The following GRIA3 variants were observed in gnomAD, a reference collection of about 807,000 sequenced individuals.
GRIA3 encodes the protein glutamate receptor 3.
A neutral mutation model predicts 63.0 loss-of-function variants in GRIA3; 3 were observed. The ratio of observed to expected loss-of-function variants is 0.05; its 90% CI spans 0.02 to 0.12. The LOEUF is 0.12. Among genes scored for constraint, GRIA3 ranks in the 10% least tolerant of loss-of-function variants. The probability of loss-of-function intolerance (pLI) is 1.00; values close to 1 mark genes in which losing one functional copy is unlikely to be tolerated. For missense variants in GRIA3, 347 were observed against 700.9 expected, an observed-to-expected ratio of 0.50 and a Z score of 5.70; for synonymous variants, 274 against 257.9, an observed-to-expected ratio of 1.06 and a Z score of -0.60.
rs1237670620 is a variant in GRIA3, at chrX:123,464,986, C to T, written c.2198C>T (p.Ala733Val). ...GTGCGAAAGTCCAAGGGAAAGTTCGCCTTCCTGCTGGAGTCAACCATGAAT... is the reference window on the plus strand; with the variant it reads ...GTGCGAAAGTCCAAGGGAAAGTTCGTCTTCCTGCTGGAGTCAACCATGAAT... Reference protein sequence around the residue: ...ARVRKSKGKFAFLLESTMNEY... With the variant: ...ARVRKSKGKFVFLLESTMNEY... The change falls in exon 13 of 16, where the codon GCC (alanine) becomes GTC (valine). Residue 733 changes from alanine (A) to valine (V), a missense_variant. Physicochemically the swap from Ala to Val is moderately conservative, Grantham distance 64 (BLOSUM62 0). This residue lies in a region of GRIA3 where 49 missense variants were observed against 176.6 expected (regional missense o/e 0.28). Coordinates refer to ENST00000620443, the MANE Select transcript of GRIA3 (RefSeq NM_007325.5). 8.3e-7 allele frequency: 1 copy of T among 1,208,644 alleles called. No individual in the cohort carries two copies. Among genetic ancestry groups the T allele is most frequent in the Non-Finnish European group, 1.1e-6 (1 of 894,421 alleles).
chrX:123,231,550 T>C (rs1489350842), intron 2 of GRIA3, among the ~76,000 whole-genome samples: 3 of 111,807 alleles, frequency 2.7e-5, no homozygotes, highest in Non-Finnish European at 5.6e-5. Context: ...AAATTAATTA[T>C]TTATAAATGT....
chrX:123,449,899 C>T (rs1026695441), intron 12 of GRIA3, among the ~76,000 whole-genome samples: 3 of 111,753 alleles, frequency 2.7e-5, no homozygotes, highest in Admixed American at 1.9e-4. Context: ...CGGGGTGGCA[C>T]TCCACATTGC....
chrX:123,329,711 A>G (rs2044927958), intron 4 of GRIA3, among the ~76,000 whole-genome samples: 1 of 111,808 alleles, frequency 8.9e-6, no homozygotes, highest in Non-Finnish European at 1.9e-5. Context: ...AATTAAGAGC[A>G]CTTTCCATAA....
intron 4 of GRIA3, among the ~76,000 whole-genome samples, chrX:123,346,428 A>G (rs2045050241): frequency 8.9e-6 from 1 of 111,983 alleles, no homozygotes; most frequent in African/African-American, 3.2e-5. Context: ...AGTTGCTCCC[A>G]ATAAAAATCT....
chrX:123,225,523 C>T (rs1471754175), intron 2 of GRIA3, among the ~76,000 whole-genome samples: 1 of 111,933 alleles, frequency 8.9e-6, no homozygotes, highest in African/African-American at 3.2e-5. Flanking sequence ...ATTGGGATAA[C>T]CAAAAGCTTT....
intron 3 of GRIA3, among the ~76,000 whole-genome samples, chrX:123,284,748 G>A (rs57581666): frequency 0.023 from 2,570 of 111,628 alleles, 70 homozygotes; most frequent in African/African-American, 0.079. Flanking sequence ...ATATGGGACT[G>A]TGTGAAAAGA....
At chrX:123,283,569 T>C (rs1328392937) in intron 3 of GRIA3, among the ~76,000 whole-genome samples, 1 of 110,548 alleles carries the variant, frequency 9.0e-6, no homozygotes, top group Non-Finnish European at 1.9e-5. Context: ...GGGAGGGGCG[T>C]CCACCATTAC....
intron 3 of GRIA3, among the ~76,000 whole-genome samples, chrX:123,259,779 G>T (rs771567179): frequency 9.0e-6 from 1 of 111,480 alleles, no homozygotes; most frequent in Admixed American, 9.5e-5. Context: ...TTCAACCTGG[G>T]TCTGCCACGT....
At chrX:123,453,405 A>G (rs1162921140) in intron 12 of GRIA3, among the ~76,000 whole-genome samples, 1 of 108,095 alleles carries the variant, frequency 9.3e-6, no homozygotes, top group East Asian at 3.0e-4. Context: ...GTGGGGGGAG[A>G]GGGGAGGGAT....
intron 5 of GRIA3, among the ~76,000 whole-genome samples, chrX:123,371,748 T>C (rs993139695): frequency 2.7e-5 from 3 of 111,700 alleles, no homozygotes; most frequent in African/African-American, 9.7e-5. Context: ...TTTTTTCCTA[T>C]AGAGTTCCTT....
intron 2 of GRIA3, among the ~76,000 whole-genome samples, chrX:123,215,763 G>A (rs1433698055): frequency 9.0e-6 from 1 of 111,706 alleles, no homozygotes; most frequent in East Asian, 2.8e-4. Context: ...GACGCAGCTG[G>A]TCACAGAGGC....
chrX:123,365,684 C>A (rs897678982), intron 5 of GRIA3, among the ~76,000 whole-genome samples: 1 of 111,860 alleles, frequency 8.9e-6, no homozygotes, highest in African/African-American at 3.2e-5. Flanking sequence ...GGTTCTCAAA[C>A]CCTCTTGTAC....
chrX:123,203,014 A>G (rs1927787135), intron 2 of GRIA3, among the ~76,000 whole-genome samples: 1 of 112,012 alleles, frequency 8.9e-6, no homozygotes, highest in South Asian at 3.7e-4. Context: ...ATAAGGTTCA[A>G]TACATTTATG....
chrX:123,305,599 T>C (rs1290896934), intron 3 of GRIA3, among the ~76,000 whole-genome samples: 1 of 111,995 alleles, frequency 8.9e-6, no homozygotes, highest in Non-Finnish European at 1.9e-5. Flanking sequence ...TTTATTTTTC[T>C]GCACTGAGGG....
At chrX:123,305,391 T>G (rs192878474) in intron 3 of GRIA3, among the ~76,000 whole-genome samples, 16 of 111,836 alleles carry the variant, frequency 1.4e-4, no homozygotes, top group African/African-American at 5.2e-4. Context: ...ATTAGAGAAA[T>G]GATGCATAAG....
chrX:123,385,367 T>C, intron 5 of GRIA3, among the ~76,000 whole-genome samples: 1 of 111,591 alleles, frequency 9.0e-6, no homozygotes, highest in East Asian at 2.8e-4. Context: ...TGTACTAATA[T>C]CATGCCGTTT....
chrX:123,396,671 A>C (rs1310557116), intron 6 of GRIA3, among the ~76,000 whole-genome samples: 1 of 112,051 alleles, frequency 8.9e-6, no homozygotes, highest in Non-Finnish European at 1.9e-5. Context: ...TGTTGCCTAC[A>C]CATATATTGA....
At chrX:123,426,406 C>A (rs774042618) in intron 11 of GRIA3, among the ~76,000 whole-genome samples, 105 of 111,996 alleles carry the variant, frequency 9.4e-4, no homozygotes, top group Non-Finnish European at 1.4e-3. Flanking sequence ...CAGGACCAAA[C>A]TTGCAACCCT....
chrX:123,226,982 G>A (rs1017335461), intron 2 of GRIA3, among the ~76,000 whole-genome samples: 6 of 110,964 alleles, frequency 5.4e-5, no homozygotes, highest in African/African-American at 6.5e-5. Context: ...GTATGTTCAC[G>A]AAAATCTAAT....
Sources: gnomAD v4.1 joint callset for allele counts (sites outside exome capture counted in the v4.1 genomes callset) on GRCh38, gnomAD v4.1.1 for gene constraint, gnomAD v4.1.1 regional missense constraint, MANE v1.5 for transcripts, NCBI Gene and HGNC (gene_info 2026-07-23, HGNC 2026-07-21) for gene names.